The following SEC24D variants were observed in gnomAD, a reference collection of about 807,000 sequenced individuals.
SEC24D encodes the protein protein transport protein Sec24D.
Under a neutral mutation model 116.9 loss-of-function variants are expected in SEC24D, and 69 were observed. The observed-to-expected ratio is 0.59, with a 90% CI of 0.49 to 0.72. SEC24D has a LOEUF of 0.72. SEC24D is among the 30% of genes least tolerant of loss of function. The pLI is 0.00. For synonymous variants in SEC24D, 405 were observed against 442.8 expected (o/e 0.91, Z 1.07); for missense variants, 1,131 against 1,264.1 (o/e 0.89, Z 1.60).
chr4:118,825,744 T>C (rs865809087), intron 2 of SEC24D: 10 of 376,630 alleles, frequency 2.7e-5, no homozygotes, highest in African/African-American at 2.1e-4. Flanking sequence ...TTGCTTGTTT[T>C]CCCTCATTTG....
At chr4:118,741,268 G>T (rs1211253031) in intron 15 of SEC24D, among the ~76,000 whole-genome samples, 3 of 152,014 alleles carry the variant, frequency 2.0e-5, no homozygotes, top group Non-Finnish European at 4.4e-5. Context: ...TTAACACTTG[G>T]ATGAGAAAAT....
At chr4:118,806,305 G>C (rs932105075) in intron 6 of SEC24D, among the ~76,000 whole-genome samples, 1 of 151,878 alleles carries the variant, frequency 6.6e-6, no homozygotes, top group Non-Finnish European at 1.5e-5. Context: ...TTAGAACATA[G>C]GTAAGCATTT....
chr4:118,751,321 G>A (rs1309632391), intron 13 of SEC24D, among the ~76,000 whole-genome samples: 1 of 151,900 alleles, frequency 6.6e-6, no homozygotes. Context: ...TGGGATTACA[G>A]GTATGTGCCA....
intron 2 of SEC24D, among the ~76,000 whole-genome samples, chr4:118,831,140 G>A (rs1340310767): frequency 1.3e-5 from 2 of 152,078 alleles, no homozygotes; most frequent in African/African-American, 4.8e-5. Flanking sequence ...TCATGCCTTA[G>A]CCTCCCAAAT....
At chr4:118,806,026 C>A (rs1335396958) in intron 6 of SEC24D, 72 bp from the exon 7 acceptor site, 1 of 922,678 alleles carries the variant, frequency 1.1e-6, no homozygotes, top group Non-Finnish European at 1.7e-6. Context: ...TAGAGAGTAC[C>A]CTTGCTCTCT....
At chr4:118,741,563 A>G (rs1461154650) in intron 15 of SEC24D, among the ~76,000 whole-genome samples, 1 of 152,190 alleles carries the variant, frequency 6.6e-6, no homozygotes, top group East Asian at 1.9e-4. Flanking sequence ...TAATATGCAC[A>G]TGTGCACAAT....
At chr4:118,798,219 C>A in intron 7 of SEC24D, among the ~76,000 whole-genome samples, 1 of 152,142 alleles carries the variant, frequency 6.6e-6, no homozygotes, top group East Asian at 1.9e-4. Flanking sequence ...CTTCTATCTG[C>A]TTATGGGAAA....
chr4:118,824,350 T>C (rs1044850321), intron 3 of SEC24D, among the ~76,000 whole-genome samples: 10 of 152,154 alleles, frequency 6.6e-5, no homozygotes, highest in Non-Finnish European at 4.4e-5. Context: ...CTCACTATGT[T>C]GCCTAGCCTG....
Position 118,740,956 on chromosome 4 carries a change from C to A in SEC24D, c.2077G>T (p.Val693Phe), listed in dbSNP as rs754427401. The change falls in exon 16 of 23, where the codon GTT (valine) becomes TTT (phenylalanine). Residue 693 changes from valine to phenylalanine, a missense_variant. Coordinates refer to ENST00000280551, the MANE Select transcript of SEC24D (RefSeq NM_014822.4). ...KKIGFDAIMR[V>F]RTSTGFRATD... ...TGATAATTACCTGTGCTGGTACGAA[C>A]CCTCATAATAGCATCAAAGCCTATT... 1 of 1,600,022 alleles carries A rather than the reference C, an allele frequency of 6.2e-7. No homozygotes were observed. The highest frequency in any genetic ancestry group is 8.5e-7 in the Non-Finnish European group (1 of 1,171,618).
intron 3 of SEC24D, among the ~76,000 whole-genome samples, chr4:118,820,097 G>GCTAACAAACCCCTCATATAAATGC (rs1177931949): frequency 2.0e-5 from 3 of 151,724 alleles, no homozygotes; most frequent in African/African-American, 7.3e-5. Context: ...GTATTAAATG[G>GCTAACAAACCCCTCATATAAATGC]CTAACAAACC....
intron 20 of SEC24D, among the ~76,000 whole-genome samples, chr4:118,732,144 T>C (rs966174460): frequency 5.3e-5 from 8 of 152,032 alleles, no homozygotes; most frequent in Admixed American, 5.2e-4. Context: ...GACAATTTTA[T>C]TTTATTTTAT....
Position 118,766,302 on chromosome 4 carries a change from C to A in SEC24D, c.1181-1385G>T, listed in dbSNP as rs550715892. Among the ~76,000 whole-genome samples, 13 of 152,294 alleles carry A rather than the reference C, an allele frequency of 8.5e-5. No homozygotes were observed. In the South Asian group the frequency reaches 2.3e-3, roughly 27 times the overall value. ...TGTCTCTGACCACACATACTCCCCA[C>A]TGGACAATCTCTGGACACTTTGCAA... is the stretch of plus-strand genomic sequence containing the variant. On this transcript the variant is annotated intron_variant, in intron 9 of 22. Transcript: ENST00000280551.
intron 13 of SEC24D, among the ~76,000 whole-genome samples, chr4:118,747,125 T>G (rs1726574169): frequency 1.3e-5 from 2 of 152,148 alleles, no homozygotes; most frequent in African/African-American, 4.8e-5. Context: ...AGAAAGAGAC[T>G]AGCAAGGTTT....
chr4:118,725,673 C>G (rs1322037864), intron 22 of SEC24D, among the ~76,000 whole-genome samples: 1 of 151,660 alleles, frequency 6.6e-6, no homozygotes, highest in African/African-American at 2.4e-5. Flanking sequence ...ACAAAAGTGT[C>G]TCGCTATGAG....
chr4:118,806,091 A>G, intron 6 of SEC24D, 137 bp from the exon 7 acceptor site: 2 of 606,966 alleles, frequency 3.3e-6, no homozygotes, highest in Non-Finnish European at 5.7e-6. Flanking sequence ...ATGCACACAC[A>G]GTCTCACACA....
Position 118,833,652 on chromosome 4 carries a change from A to G in SEC24D, c.45T>C (p.Pro15=), listed in dbSNP as rs1730971388. Residue 15 remains proline (P), a synonymous_variant, in exon 2 of 23, where the codon CCT becomes CCC. Transcript: ENST00000280551. The stretch of plus-strand genomic sequence containing the variant: ...GTGGAGAAAGGCCTATTCCAGGCTG[A>G]GGCTGAGAATACGGAGGTGTAGCCA... ...GYVATPPYSQ[P]QPGIGLSPPH... 1 of 1,614,108 alleles carries G rather than the reference A, an allele frequency of 6.2e-7. No individual in the cohort carries two copies. The highest frequency in any genetic ancestry group is 8.5e-7 in the Non-Finnish European group (1 of 1,179,968).
intron 8 of SEC24D, among the ~76,000 whole-genome samples, chr4:118,789,522 G>C (rs1185863635): frequency 6.6e-6 from 1 of 152,144 alleles, no homozygotes; most frequent in Non-Finnish European, 1.5e-5. Flanking sequence ...TAGATCTGCT[G>C]AATCTATCAA....
chr4:118,774,165 T>A (rs1728033686), intron 8 of SEC24D, among the ~76,000 whole-genome samples: 1 of 152,048 alleles, frequency 6.6e-6, no homozygotes, highest in Admixed American at 6.6e-5. Context: ...TCTTAGTTTG[T>A]TAGTGACACT....
At chr4:118,768,114 G>A (rs569007446) in intron 9 of SEC24D, 59 bp downstream of exon 9, 8 of 1,427,326 alleles carry the variant, frequency 5.6e-6, no homozygotes, top group South Asian at 1.2e-5. Context: ...AAACTAAGAA[G>A]TATAATACAT....
Sources: gnomAD v4.1 joint callset for allele counts (sites outside exome capture counted in the v4.1 genomes callset) on GRCh38, gnomAD v4.1.1 for gene constraint, MANE v1.5 for transcripts, NCBI Gene and HGNC (gene_info 2026-07-23, HGNC 2026-07-21) for gene names.